KRIT1: variants seen among roughly 807,000 people sequenced by gnomAD.
KRIT1 encodes the protein KRIT1 ankyrin repeat containing.
KRIT1 carries 45 observed loss-of-function variants against 95.8 expected under a neutral mutation model. The ratio of observed to expected loss-of-function variants is 0.47; its 90% CI spans 0.37 to 0.60. The LOEUF is 0.60. Ranked by LOEUF, KRIT1 falls within the 20% of genes least tolerant of loss-of-function variation. KRIT1 has a pLI of 0.00. For missense variants in KRIT1, 788 were observed against 877.5 expected, an observed-to-expected ratio of 0.90 and a Z score of 1.29; for synonymous variants, 282 against 278.8, an observed-to-expected ratio of 1.01 and a Z score of -0.11.
In KRIT1 at chr7:92,223,273, CAA is replaced by C. The variant is rs568078150; in HGVS notation, c.1255-297_1255-296del. Among the ~76,000 whole-genome samples the C allele has an allele frequency of 3.6e-3, 151 of 42,102 alleles. 1 individual carries two copies. Among genetic ancestry groups the C allele is most frequent in the Middle Eastern group, 0.015 (1 of 68 alleles). 27.6% of individuals were successfully genotyped at this position (42,102 alleles called of 152,430 possible). On this transcript the variant is annotated intron_variant, in intron 12 of 18. Coordinates refer to ENST00000394505, the MANE Select transcript of KRIT1 (RefSeq NM_194454.3). ...TGAAACCCCGTCTCTACTAAAAATA[CAA>C]AAAAAAAAAAAAAAAAAAAATTAGC...
At position 92,231,336 on chromosome 7, in the gene KRIT1, T is replaced by C. The variant is rs377485734; in HGVS notation, c.989+3113A>G. Among the ~76,000 whole-genome samples the C allele has an allele frequency of 3.3e-5, 5 of 152,328 alleles. 1 individual carries two copies. The highest frequency in any genetic ancestry group is 6.5e-5 in the Admixed American group (1 of 15,298). On this transcript the variant is annotated intron_variant, in intron 10 of 18. Coordinates refer to ENST00000394505, the MANE Select transcript of KRIT1 (RefSeq NM_194454.3). ...TTAAATTGTGTTATGTTAACATATA[T>C]AGGTATTGTTATTTTTAATACACAT...
At position 92,242,229 on chromosome 7, in the gene KRIT1, T is replaced by C. The variant is rs1799831160; in HGVS notation, c.-2-92A>G. 14 of 777,018 alleles carry C rather than the reference T, an allele frequency of 1.8e-5. No homozygotes were observed. The South Asian group carries it at 2.0e-4, about 11-fold the overall frequency. The allele number at this position is 777,018 out of a possible 1,614,324, so 48.1% of individuals were successfully genotyped here. On this transcript the variant is annotated intron_variant, in intron 3 of 18. Coordinates refer to ENST00000394505, the MANE Select transcript of KRIT1 (RefSeq NM_194454.3). The stretch of plus-strand genomic sequence containing the variant: ...AAGTAATGCATCTTAAATTGAAAAC[T>C]TTTATTTCCACATAATCATGTCGAA...
chr7:92,237,592 T>A (rs926816951), intron 6 of KRIT1, 75 bp downstream of exon 6: 2 of 782,856 alleles, frequency 2.6e-6, no homozygotes, highest in Non-Finnish European at 4.4e-6. Flanking sequence ...TGAATGCAAA[T>A]TCTTAACTTC....
intron 3 of KRIT1, among the ~76,000 whole-genome samples, chr7:92,243,638 T>C (rs961304615): frequency 8.5e-5 from 13 of 152,144 alleles, no homozygotes; most frequent in African/African-American, 3.1e-4. Context: ...TAAATAATAA[T>C]TAAAAAGTGC....
chr7:92,231,032 T>C (rs1175885054), intron 10 of KRIT1, among the ~76,000 whole-genome samples: 2 of 152,040 alleles, frequency 1.3e-5, no homozygotes, highest in African/African-American at 4.8e-5. Flanking sequence ...TCATCACAGT[T>C]TGAAAAACAC....
At position 92,224,595 on chromosome 7, in the gene KRIT1, AAAT is replaced by A. The variant is rs1295378798; in HGVS notation, c.1254+1122_1254+1124del. Among the ~76,000 whole-genome samples, 17 of 152,334 alleles carry A rather than the reference AAAT, an allele frequency of 1.1e-4. No homozygotes were observed. In the South Asian group the frequency reaches 2.3e-3, roughly 20 times the overall value. On this transcript the variant is annotated intron_variant, in intron 12 of 18. Transcript: ENST00000394505. Reference sequence around the variant, plus strand: ...TCACTAATTTGAGCTTTATGCCTCTAAATAAAATTATTATTTTAATAGCTATGT... The same window carrying A: ...TCACTAATTTGAGCTTTATGCCTCTAAAAATTATTATTTTAATAGCTATGT...
chr7:92,199,404 T>C (rs558948742), downstream of KRIT1: 1 of 152,352 alleles, frequency 6.6e-6, no homozygotes, highest in Admixed American at 6.5e-5. Flanking sequence ...TATGACTATA[T>C]CTCTGAACTT....
chr7:92,239,843 TG>T (rs1341725810), intron 5 of KRIT1, among the ~76,000 whole-genome samples: 2 of 151,872 alleles, frequency 1.3e-5, no homozygotes, highest in Non-Finnish European at 2.9e-5. Flanking sequence ...CCTGAGTAGC[TG>T]GGACTATAGG....
chr7:92,212,286 T>C (rs1793023784), intron 17 of KRIT1, among the ~76,000 whole-genome samples: 1 of 152,202 alleles, frequency 6.6e-6, no homozygotes, highest in Non-Finnish European at 1.5e-5. Context: ...ATATTTTTCT[T>C]TTTTTCATCT....
chr7:92,214,582 C>T (rs558328482), intron 15 of KRIT1, 29 bp downstream of exon 15: 1 of 1,529,676 alleles, frequency 6.5e-7, no homozygotes, highest in Non-Finnish European at 9.1e-7. Flanking sequence ...AAGCATAGCA[C>T]AAGACCATGC....
In KRIT1 at chr7:92,214,672, G is replaced by C. The variant is rs749479720; in HGVS notation, c.1669C>G (p.Leu557Val). The change falls in exon 15 of 19, where the codon CTG (leucine) becomes GTG (valine). Residue 557 changes from leucine (L) to valine (V), a missense_variant. By Grantham distance (32) the Leu-to-Val change is conservative. Around this residue, in one of 3 missense-constraint regions of KRIT1, gnomAD observed 493 missense variants for 582.3 expected, o/e 0.85. Transcript: ENST00000394505. ...PDAKLITLAS[L>V]LLQIVYGNYE... is the part of the protein sequence containing the mutation. ...TTTCCATAGACTATTTGCAAAAGCA[G>C]ACTTGCCAATGTTATCAGCTTAGCA... 1.9e-6 allele frequency: 3 copies of C among 1,612,600 alleles called. No homozygotes were observed. The South Asian group carries it at 3.3e-5, about 18-fold the overall frequency.
intron 15 of KRIT1, among the ~76,000 whole-genome samples, chr7:92,214,360 T>TA (rs1285154565): frequency 6.6e-6 from 1 of 152,088 alleles, no homozygotes; most frequent in Non-Finnish European, 1.5e-5. Context: ...TTAGTGAACT[T>TA]ATTTAAGCAT....
chr7:92,230,605 TA>T (rs1054161054), intron 10 of KRIT1, among the ~76,000 whole-genome samples: 4 of 152,200 alleles, frequency 2.6e-5, no homozygotes, highest in African/African-American at 9.6e-5. Context: ...GGATGGTAGC[TA>T]AAAGAAGTAG....
intron 12 of KRIT1, 51 bp downstream of exon 12, chr7:92,225,669 C>T (rs764484436): frequency 9.8e-7 from 1 of 1,020,224 alleles, no homozygotes; most frequent in South Asian, 1.3e-5. Flanking sequence ...AAATTTAAAT[C>T]TTATTAATTT....
intron 10 of KRIT1, among the ~76,000 whole-genome samples, chr7:92,232,094 G>C (rs1364255373): frequency 6.6e-6 from 1 of 152,158 alleles, no homozygotes; most frequent in Non-Finnish European, 1.5e-5. Flanking sequence ...ACCACGCCCA[G>C]CTAATTTTTG....
intron 14 of KRIT1, among the ~76,000 whole-genome samples, chr7:92,220,809 T>C (rs1794981967): frequency 6.6e-6 from 1 of 150,512 alleles, no homozygotes; most frequent in Admixed American, 6.6e-5. Flanking sequence ...ATTCTCTGCC[T>C]TGGCCTCCCA....
chr7:92,208,955 C>T (rs762575088), intron 17 of KRIT1, among the ~76,000 whole-genome samples: 1 of 152,070 alleles, frequency 6.6e-6, no homozygotes, highest in Non-Finnish European at 1.5e-5. Context: ...CAAAATACTA[C>T]CAAACTGCGT....
downstream of KRIT1, chr7:92,199,074 T>C (rs1157032280): frequency 6.6e-6 from 1 of 152,186 alleles, no homozygotes; most frequent in Admixed American, 6.5e-5. Context: ...TAGATGGACC[T>C]AGAACAAGTA....
rs559842433 is a variant in KRIT1 at position 92,242,171 on chromosome 7, A to G, written c.-2-34T>C. On this transcript the variant is annotated intron_variant, in intron 3 of 18. Transcript: ENST00000394505. ...AACAAATAAAAAAATCCTTTGAAAGATTAAATGACACATTTGATGGCAAGA... is the reference window on the plus strand; with the variant it reads ...AACAAATAAAAAAATCCTTTGAAAGGTTAAATGACACATTTGATGGCAAGA... The G allele has an allele frequency of 9.4e-6, 11 of 1,175,588 alleles. No homozygotes were observed. In the African/African-American group the frequency reaches 1.4e-4, roughly 14 times the overall value. The allele number at this position is 1,175,588 out of a possible 1,614,324, so 72.8% of individuals were successfully genotyped here.
Sources: gnomAD v4.1 joint callset for allele counts (sites outside exome capture counted in the v4.1 genomes callset) on GRCh38, gnomAD v4.1.1 for gene constraint, gnomAD v4.1.1 regional missense constraint, MANE v1.5 for transcripts, NCBI Gene and HGNC (gene_info 2026-07-23, HGNC 2026-07-21) for gene names.